The following GALNTL6 variants were observed in gnomAD, a reference collection of about 807,000 sequenced individuals.
The protein encoded by GALNTL6 is polypeptide N-acetylgalactosaminyltransferase like 6.
In GALNTL6, 46 loss-of-function variants were observed where a neutral mutation model predicts 73.7. The ratio of observed to expected loss-of-function variants is 0.62; its 90% confidence interval spans 0.49 to 0.80. GALNTL6 has a LOEUF of 0.80. Among genes scored for constraint, GALNTL6 ranks in the 30% least tolerant of loss-of-function variants. The pLI, the probability that GALNTL6 is intolerant of heterozygous loss-of-function variation, is 0.00. For synonymous variants in GALNTL6, 259 were observed against 263.7 expected (o/e 0.98, Z 0.17); for missense variants, 604 against 755.0 (o/e 0.80, Z 2.34).
intron 4 of GALNTL6, among the ~76,000 whole-genome samples, chr4:172,336,928 C>G (rs1741349238): frequency 6.6e-6 from 1 of 152,074 alleles, no homozygotes; most frequent in Non-Finnish European, 1.5e-5. Context: ...TGTTTGTGCT[C>G]CAACATTGGT....
At chr4:172,857,741 A>G (rs1280498604) in intron 7 of GALNTL6, among the ~76,000 whole-genome samples, 1 of 152,218 alleles carries the variant, frequency 6.6e-6, no homozygotes, top group Non-Finnish European at 1.5e-5. Context: ...TTCTTTAATG[A>G]ATGGGATAAA....
intron 2 of GALNTL6, among the ~76,000 whole-genome samples, chr4:171,937,203 G>A (rs897172069): frequency 2.0e-5 from 3 of 152,088 alleles, no homozygotes; most frequent in Non-Finnish European, 4.4e-5. Context: ...TGGCTTTAGG[G>A]AAAGCAATTC....
chr4:172,558,113 G>A (rs891895480), intron 5 of GALNTL6, among the ~76,000 whole-genome samples: 4 of 152,070 alleles, frequency 2.6e-5, no homozygotes, highest in African/African-American at 9.7e-5. Context: ...GATACTTGTA[G>A]ATATTATGAT....
intron 5 of GALNTL6, among the ~76,000 whole-genome samples, chr4:172,396,606 C>T (rs1377513282): frequency 6.6e-6 from 1 of 152,128 alleles, no homozygotes; most frequent in African/African-American, 2.4e-5. Flanking sequence ...AAACCACTCA[C>T]CTGTACAGTT....
rs139285009 is a variant in GALNTL6 at position 172,269,988 on chromosome 4, G to A, written c.247+40224G>A. On this transcript the variant is annotated intron_variant, in intron 3 of 12. Transcript: ENST00000506823. ...AGAGCTCAAGTAATCCGCCCACCTCGGCCTCCCAAAGTGCTGGGATTACAG... is the reference window on the plus strand; with the variant it reads ...AGAGCTCAAGTAATCCGCCCACCTCAGCCTCCCAAAGTGCTGGGATTACAG... Among the ~76,000 whole-genome samples, 1,134 of 152,042 alleles carry A rather than the reference G, an allele frequency of 7.5e-3. 14 individuals are homozygous for A. The highest frequency in any genetic ancestry group is 0.026 in the African/African-American group (1,084 of 41,506).
chr4:171,939,963 A>G lies in GALNTL6; in HGVS notation c.138+125245A>G, dbSNP rs150802170. ...TAAGTAGACTTCCGATGAGGAAGCT[A>G]TCAACTTCAGAGTCCCACAATCATA... is the stretch of plus-strand genomic sequence containing the variant. On this transcript the variant is annotated intron_variant, in intron 2 of 12. Coordinates refer to ENST00000506823, the MANE Select transcript of GALNTL6 (RefSeq NM_001034845.3). 2.0e-4 allele frequency among the ~76,000 whole-genome samples: 30 copies of G among 152,326 alleles called. No homozygotes were observed. In the South Asian group the frequency reaches 3.7e-3, roughly 19 times the overall value.
chr4:172,836,877 C>T (rs1742937208), intron 7 of GALNTL6, among the ~76,000 whole-genome samples: 1 of 152,004 alleles, frequency 6.6e-6, no homozygotes, highest in African/African-American at 2.4e-5. Flanking sequence ...GTATTCTGTC[C>T]CCAGGAGACA....
chr4:173,006,569 C>A (rs868645854), intron 10 of GALNTL6, among the ~76,000 whole-genome samples: 2 of 152,306 alleles, frequency 1.3e-5, no homozygotes, highest in Middle Eastern at 3.4e-3. Context: ...CTTGGCTTCA[C>A]AAATTCTAGA....
intron 2 of GALNTL6, among the ~76,000 whole-genome samples, chr4:171,876,258 G>T (rs111330658): frequency 7.6e-4 from 116 of 152,258 alleles, no homozygotes; most frequent in African/African-American, 2.5e-3. Context: ...GTTACAGAAA[G>T]ACGTCTTAAA....
intron 5 of GALNTL6, among the ~76,000 whole-genome samples, chr4:172,672,998 T>G (rs563086630): frequency 6.7e-4 from 102 of 152,312 alleles, no homozygotes; most frequent in African/African-American, 2.3e-3. Context: ...ATCTTTTGAA[T>G]GGTTTTTTGT....
chr4:172,115,202 A>T (rs1459873164), intron 2 of GALNTL6, among the ~76,000 whole-genome samples: 1 of 152,142 alleles, frequency 6.6e-6, no homozygotes, highest in Non-Finnish European at 1.5e-5. Context: ...TGAATACCAA[A>T]GGCCTTGTCC....
At chr4:172,324,679 C>T (rs914838262) in intron 4 of GALNTL6, among the ~76,000 whole-genome samples, 1 of 150,744 alleles carries the variant, frequency 6.6e-6, no homozygotes, top group Non-Finnish European at 1.5e-5. Flanking sequence ...GAACATATGC[C>T]AGTACATAAA....
chr4:172,769,129 T>A (rs1738611965), intron 5 of GALNTL6, among the ~76,000 whole-genome samples: 1 of 152,118 alleles, frequency 6.6e-6, no homozygotes, highest in Non-Finnish European at 1.5e-5. Flanking sequence ...CAAATGTATT[T>A]TGGAAACCCG....
intron 2 of GALNTL6, among the ~76,000 whole-genome samples, chr4:172,061,011 A>G (rs1241529644): frequency 6.6e-6 from 1 of 152,164 alleles, no homozygotes; most frequent in Non-Finnish European, 1.5e-5. Context: ...CTAATGTGGG[A>G]AAAAAACAAC....
intron 4 of GALNTL6, among the ~76,000 whole-genome samples, chr4:172,342,515 A>G (rs1053279117): frequency 1.3e-5 from 2 of 151,962 alleles, no homozygotes; most frequent in Admixed American, 1.3e-4. Context: ...TTTATGTTTA[A>G]CTCTCTAAAA....
chr4:172,408,200 G>A (rs1183289029), intron 5 of GALNTL6, among the ~76,000 whole-genome samples: 2 of 152,030 alleles, frequency 1.3e-5, no homozygotes, highest in Non-Finnish European at 2.9e-5. Context: ...TAGTGGAAAT[G>A]TATTCCATTA....
chr4:171,985,928 C>T (rs1740059091), intron 2 of GALNTL6, among the ~76,000 whole-genome samples: 1 of 150,570 alleles, frequency 6.6e-6, no homozygotes. Flanking sequence ...ATCCCAGCTT[C>T]TCAGGAGGCT....
intron 8 of GALNTL6, among the ~76,000 whole-genome samples, chr4:172,929,741 G>A (rs1046169161): frequency 6.6e-6 from 1 of 152,156 alleles, no homozygotes; most frequent in African/African-American, 2.4e-5. Flanking sequence ...AAATATCTGG[G>A]CGCCATGGTC....
At chr4:172,945,352 A>G (rs1376067657) in intron 9 of GALNTL6, among the ~76,000 whole-genome samples, 1 of 152,208 alleles carries the variant, frequency 6.6e-6, no homozygotes, top group Non-Finnish European at 1.5e-5. Flanking sequence ...CCTTATCTTG[A>G]TAGTGTTGAT....
Sources: allele counts gnomAD v4.1 joint callset (sites outside exome capture counted in the v4.1 genomes callset), GRCh38; gene constraint gnomAD v4.1.1; transcripts MANE v1.5; gene names NCBI Gene and HGNC (gene_info 2026-07-23, HGNC 2026-07-21).